KCNK10: variants seen among roughly 807,000 people sequenced by gnomAD.
KCNK10 encodes the protein potassium two pore domain channel subfamily K member 10.
A neutral mutation model predicts 47.7 loss-of-function variants in KCNK10; 25 were observed. That is an observed-to-expected ratio of 0.52 (90% CI 0.38 to 0.73). The LOEUF is 0.73. Among genes scored for constraint, KCNK10 ranks in the 30% least tolerant of loss-of-function variants. KCNK10 has a pLI of 0.00. For missense variants in KCNK10, 563 were observed against 714.5 expected (o/e 0.79, Z 2.42); for synonymous variants, 303 against 285.6 (o/e 1.06, Z -0.61).
chr14:88,289,984 T>G (rs552447071), intron 1 of KCNK10, among the ~76,000 whole-genome samples: 2 of 152,370 alleles, frequency 1.3e-5, no homozygotes, highest in East Asian at 1.9e-4. Context: ...AGAGGCACAC[T>G]GTAGATACTT....
intron 1 of KCNK10, among the ~76,000 whole-genome samples, chr14:88,272,192 A>G (rs1009810097): frequency 2.0e-5 from 3 of 152,178 alleles, no homozygotes; most frequent in African/African-American, 7.2e-5. Context: ...TTAACATAAA[A>G]TGTACGGCAT....
rs967082932 is a variant in KCNK10 at position 88,182,091 on chromosome 14, A to C, written c.*3444T>G. 1 of 147,634 alleles carries C rather than the reference A, an allele frequency of 6.8e-6. No individual in the cohort carries two copies. The highest frequency in any genetic ancestry group is 3.2e-3 in the Middle Eastern group (1 of 312). 9.1% of individuals were successfully genotyped at this position (147,634 alleles called of 1,614,324 possible). A position where few individuals can be genotyped will look rare whatever the true frequency, so the allele number is the denominator to read the frequency against. On this transcript the variant is annotated 3_prime_UTR_variant, in exon 7 of 7. Transcript: ENST00000319231. ...ACACACACACACACACACACTCTAT[A>C]CAGCCCTGCCCCAAAGTGATAAATA...
chr14:88,305,200 G>A (rs915182332), intron 1 of KCNK10, among the ~76,000 whole-genome samples: 37 of 146,100 alleles, frequency 2.5e-4, no homozygotes, highest in Non-Finnish European at 1.5e-4. Flanking sequence ...CCCTAAGCTC[G>A]AAAAAAAAAA....
chr14:88,200,218 C>T (rs902567694), intron 4 of KCNK10, among the ~76,000 whole-genome samples: 1 of 151,458 alleles, frequency 6.6e-6, no homozygotes, highest in Non-Finnish European at 1.5e-5. Context: ...GGATGCTTGT[C>T]CACATAAAAC....
chr14:88,215,477 A>ATGGGAGGTC (rs1232233496), intron 4 of KCNK10, among the ~76,000 whole-genome samples: 1 of 152,196 alleles, frequency 6.6e-6, no homozygotes. Flanking sequence ...GGTCCCTCCC[A>ATGGGAGGTC]CAACACATGA....
upstream of KCNK10, chr14:88,326,481 T>A (rs763035251): frequency 6.2e-7 from 1 of 1,605,494 alleles, no homozygotes; most frequent in Non-Finnish European, 8.5e-7. Context: ...CTCCAAGCGG[T>A]TCTGTCTCCC....
intron 2 of KCNK10, among the ~76,000 whole-genome samples, chr14:88,245,507 C>T (rs966393757): frequency 3.3e-5 from 5 of 152,160 alleles, no homozygotes; most frequent in Non-Finnish European, 5.9e-5. Flanking sequence ...CATCAGGCAA[C>T]GCCAGCTACA....
intron 3 of KCNK10, among the ~76,000 whole-genome samples, chr14:88,228,775 A>C (rs937139356): frequency 1.3e-5 from 2 of 152,338 alleles, no homozygotes; most frequent in East Asian, 3.9e-4. Context: ...GAATCATTCA[A>C]ACCTCTTATA....
intron 4 of KCNK10, among the ~76,000 whole-genome samples, chr14:88,212,832 T>G (rs1885504235): frequency 6.6e-6 from 1 of 152,208 alleles, no homozygotes; most frequent in South Asian, 2.1e-4. Flanking sequence ...CAAAGTGCAC[T>G]TCTAACAGGA....
intron 1 of KCNK10, among the ~76,000 whole-genome samples, chr14:88,300,618 T>C (rs1888072121): frequency 6.6e-6 from 1 of 152,188 alleles, no homozygotes; most frequent in South Asian, 2.1e-4. Flanking sequence ...GTAATTCAAG[T>C]GGGGTTCTTA....
intron 1 of KCNK10, among the ~76,000 whole-genome samples, chr14:88,286,396 A>G (rs1887760647): frequency 6.6e-6 from 1 of 152,190 alleles, no homozygotes; most frequent in African/African-American, 2.4e-5. Flanking sequence ...ATTGTGATAG[A>G]GGCATTCATC....
Position 88,322,926 on chromosome 14 carries a change from T to G in KCNK10, c.-128A>C. 2.0e-6 allele frequency: 3 copies of G among 1,532,048 alleles called. No individual in the cohort carries two copies. In the South Asian group the frequency reaches 3.7e-5, roughly 19 times the overall value. The allele number at this position is 1,532,048 out of a possible 1,614,324, so 94.9% of individuals were successfully genotyped here. The stretch of plus-strand genomic sequence containing the variant: ...GAGGATGGGGGAGCCTTGGACTGGC[T>G]CGTGGAGGAACCCCAGAAAAAGACA... On this transcript the variant is annotated 5_prime_UTR_variant, in exon 1 of 7. Transcript: ENST00000319231. This position sits in a 1 kb window ranked among gnomAD's most constrained non-coding sequence, Gnocchi z 4.8.
In KCNK10 at chr14:88,279,364, C is replaced by CGTGTGTGT. The variant is rs58319931; in HGVS notation, c.53-15821_53-15814dup. On this transcript the variant is annotated intron_variant, in intron 1 of 6. Transcript: ENST00000319231. ...TTAGTTAAGGGAGAATTGCCAGATACGTGTGTGTGTGTGTGTGTGTGTGTG... is the reference window on the plus strand; with the variant it reads ...TTAGTTAAGGGAGAATTGCCAGATACGTGTGTGTGTGTGTGTGTGTGTGTGTGTGTGTG... Among the ~76,000 whole-genome samples, 931 of 137,654 alleles carry CGTGTGTGT rather than the reference C, an allele frequency of 6.8e-3. 6 individuals are homozygous for CGTGTGTGT. The highest frequency in any genetic ancestry group is 0.013 in the South Asian group (52 of 3,964). 90.3% of individuals were successfully genotyped at this position (137,654 alleles called of 152,430 possible).
rs555507779 is a variant in KCNK10, at chr14:88,180,788, A to G, written c.*4747T>C. On this transcript the variant is annotated 3_prime_UTR_variant, in exon 7 of 7. Transcript: ENST00000319231. Reference sequence around the variant, plus strand: ...AGTATGGATGGGTTGGTGAAGTCCAATGAAGGTATGGTGCAGAGACAGAGG... The same window carrying G: ...AGTATGGATGGGTTGGTGAAGTCCAGTGAAGGTATGGTGCAGAGACAGAGG... The G allele has an allele frequency of 2.1e-4, 84 of 398,780 alleles. No homozygotes were observed. Among genetic ancestry groups the G allele is most frequent in the Admixed American group, 8.4e-4 (19 of 22,740 alleles). 24.7% of individuals were successfully genotyped at this position (398,780 alleles called of 1,614,324 possible).
intron 1 of KCNK10, among the ~76,000 whole-genome samples, chr14:88,309,565 G>A (rs1397626983): frequency 6.6e-6 from 1 of 152,204 alleles, no homozygotes; most frequent in Non-Finnish European, 1.5e-5. Flanking sequence ...TTGCACCGCT[G>A]CACTCCAGCT....
intron 1 of KCNK10, among the ~76,000 whole-genome samples, chr14:88,299,362 C>T (rs34333337): frequency 0.048 from 7,309 of 152,258 alleles, 222 homozygotes; most frequent in Non-Finnish European, 0.065. Context: ...AGGCCTACAT[C>T]TCACTTTCTC....
At position 88,197,568 on chromosome 14, in the gene KCNK10, C is replaced by A. The variant is rs184450243; in HGVS notation, c.682-5158G>T. ...CAGCCTGGGCAACAGAGAGAGACTC[C>A]GACTAAAAAAAAAAAAAAAAAAAAA... On this transcript the variant is annotated intron_variant, in intron 4 of 6. Transcript: ENST00000319231. Among the ~76,000 whole-genome samples the A allele has an allele frequency of 2.6e-3, 117 of 44,382 alleles. 2 individuals carry two copies. The East Asian group carries it at 0.049, about 19-fold the overall frequency. 29.1% of individuals were successfully genotyped at this position (44,382 alleles called of 152,430 possible).
intron 2 of KCNK10, among the ~76,000 whole-genome samples, chr14:88,252,561 A>G (rs986026940): frequency 2.0e-5 from 3 of 152,208 alleles, no homozygotes; most frequent in Non-Finnish European, 2.9e-5. Flanking sequence ...TTGACAGTTC[A>G]TAATATCTAG....
At chr14:88,274,059 G>T (rs539867139) in intron 1 of KCNK10, among the ~76,000 whole-genome samples, 1 of 108,656 alleles carries the variant, frequency 9.2e-6, no homozygotes, top group African/African-American at 3.8e-5. Context: ...CCCCCACCCT[G>T]CCCTAGGCTC....
Sources: allele counts gnomAD v4.1 joint callset (sites outside exome capture counted in the v4.1 genomes callset), GRCh38; gene constraint gnomAD v4.1.1; non-coding constraint Gnocchi (gnomAD v3.1); transcripts MANE v1.5; gene names NCBI Gene and HGNC (gene_info 2026-07-23, HGNC 2026-07-21).